The following BAZ1B variants were observed in gnomAD, a reference collection of about 807,000 sequenced individuals.
BAZ1B encodes bromodomain adjacent to zinc finger domain 1B, also known as tyrosine-protein kinase BAZ1B.
In BAZ1B, 22 loss-of-function variants were observed where a neutral mutation model predicts 153.8. That is an observed-to-expected ratio of 0.14 (90% CI 0.10 to 0.20). BAZ1B has a LOEUF of 0.20. Ranked by LOEUF, BAZ1B falls within the 10% of genes least tolerant of loss-of-function variation. The pLI, the probability that BAZ1B is intolerant of heterozygous loss-of-function variation, is 1.00. For synonymous variants in BAZ1B, 676 were observed against 633.4 expected (o/e 1.07, Z -1.01); for missense variants, 1,325 against 1,799.3 (o/e 0.74, Z 4.77).
chr7:73,469,737 T>A, intron 8 of BAZ1B, 87 bp from the exon 9 acceptor site: 1 of 1,481,978 alleles, frequency 6.7e-7, no homozygotes, highest in South Asian at 1.2e-5. Flanking sequence ...ATACAGAGTA[T>A]CACTGAGCAT....
intron 12 of BAZ1B, among the ~76,000 whole-genome samples, chr7:73,461,037 G>A (rs1044264523): frequency 2.6e-5 from 4 of 151,886 alleles, no homozygotes; most frequent in South Asian, 2.1e-4. Context: ...GTGCAATGGC[G>A]CGATCTCAGC....
rs1563388423 is a variant in BAZ1B, at chr7:73,489,323, T to C, written c.762A>G (p.Arg254=). 6.2e-7 allele frequency: 1 copy of C among 1,614,210 alleles called. No individual in the cohort carries two copies. Among genetic ancestry groups the C allele is most frequent in the Middle Eastern group, 1.6e-4 (1 of 6,062 alleles). Residue 254 remains arginine (R), a synonymous_variant, in exon 6 of 20, where the codon CGA becomes CGG. Coordinates refer to ENST00000339594, the MANE Select transcript of BAZ1B (RefSeq NM_032408.4). ...GTAATGCATTATGCCGTATAAAGTA[T>C]CGAACTATCTCCTTATTTGGTGGGC... is the stretch of plus-strand genomic sequence containing the variant. The part of the protein sequence containing the change: ...TERPPNKEIV[R]YFIRHNALRA...
intron 1 of BAZ1B, among the ~76,000 whole-genome samples, chr7:73,518,813 T>A (rs1790917787): frequency 6.6e-6 from 1 of 152,214 alleles, no homozygotes; most frequent in Non-Finnish European, 1.5e-5. Flanking sequence ...AATTCTCACA[T>A]AATGATGCTA....
intron 6 of BAZ1B, among the ~76,000 whole-genome samples, chr7:73,483,851 G>T (rs1426899315): frequency 6.6e-6 from 1 of 152,070 alleles, no homozygotes; most frequent in Non-Finnish European, 1.5e-5. Flanking sequence ...TGTTACCCAG[G>T]CTGGTCTCAA....
intron 13 of BAZ1B, among the ~76,000 whole-genome samples, chr7:73,453,371 C>G (rs576238108): frequency 6.6e-6 from 1 of 152,370 alleles, no homozygotes; most frequent in Non-Finnish European, 1.5e-5. Context: ...CAAGTCTCAT[C>G]TGACAAACTA....
chr7:73,496,627 G>C (rs1789910762), intron 4 of BAZ1B, among the ~76,000 whole-genome samples: 1 of 152,154 alleles, frequency 6.6e-6, no homozygotes, highest in African/African-American at 2.4e-5. Context: ...CTCAGAGGCT[G>C]AACGGTCTTC....
intron 10 of BAZ1B, 100 bp downstream of exon 10, chr7:73,466,196 G>T: frequency 1.2e-6 from 1 of 818,554 alleles, no homozygotes; most frequent in Admixed American, 2.5e-5. Flanking sequence ...AGTATCCTGC[G>T]CAAATAATTA....
At chr7:73,502,888 G>A (rs1247029414) in intron 3 of BAZ1B, among the ~76,000 whole-genome samples, 5 of 152,186 alleles carry the variant, frequency 3.3e-5, no homozygotes, top group Non-Finnish European at 7.3e-5. Flanking sequence ...TTCTGAGTTA[G>A]TTTTGCCTGC....
At chr7:73,520,156 C>A (rs1019424897) in intron 1 of BAZ1B, among the ~76,000 whole-genome samples, 1 of 151,220 alleles carries the variant, frequency 6.6e-6, no homozygotes, top group Non-Finnish European at 1.5e-5. Flanking sequence ...TGGCAGTGAG[C>A]CCAGATCGTG....
At chr7:73,473,800 C>T (rs1270563479) in intron 7 of BAZ1B, among the ~76,000 whole-genome samples, 1 of 152,006 alleles carries the variant, frequency 6.6e-6, no homozygotes, top group Non-Finnish European at 1.5e-5. Flanking sequence ...CCAGCCTCCA[C>T]AAATAATAAA....
At chr7:73,448,322 C>T (rs1554567104) in intron 15 of BAZ1B, among the ~76,000 whole-genome samples, 1 of 152,144 alleles carries the variant, frequency 6.6e-6, no homozygotes, top group Non-Finnish European at 1.5e-5. Flanking sequence ...AAGCCCAAGC[C>T]AGAGTACCTA....
At chr7:73,517,804 G>A (rs1278241891) in intron 1 of BAZ1B, among the ~76,000 whole-genome samples, 1 of 152,164 alleles carries the variant, frequency 6.6e-6, no homozygotes, top group Non-Finnish European at 1.5e-5. Flanking sequence ...TATCTACTTT[G>A]CCATCAGCTA....
chr7:73,482,790 C>T (rs12535543), intron 6 of BAZ1B, among the ~76,000 whole-genome samples: 1 of 152,124 alleles, frequency 6.6e-6, no homozygotes, highest in Non-Finnish European at 1.5e-5. Flanking sequence ...CCAAGCCACA[C>T]CATGTTTTTG....
intron 6 of BAZ1B, among the ~76,000 whole-genome samples, chr7:73,480,202 C>G (rs1157037185): frequency 6.6e-6 from 1 of 151,762 alleles, no homozygotes; most frequent in Non-Finnish European, 1.5e-5. Context: ...AAATTCATTG[C>G]CAGGCACCTC....
chr7:73,456,945 A>C (rs1788226782), intron 13 of BAZ1B, among the ~76,000 whole-genome samples: 3 of 69,844 alleles, frequency 4.3e-5, no homozygotes, highest in Non-Finnish European at 9.0e-5. Flanking sequence ...CTCAAAAAAA[A>C]AAAAAAAAAA....
chr7:73,488,726 AAAAAC>A (rs1789519271), intron 6 of BAZ1B, among the ~76,000 whole-genome samples: 6 of 151,780 alleles, frequency 4.0e-5, no homozygotes. Flanking sequence ...AAAAAAAAAA[AAAAAC>A]AAAAAAAACT....
At position 73,489,391 on chromosome 7, in the gene BAZ1B, T is replaced by C; in HGVS notation, c.694A>G (p.Ile232Val). 1 of 1,614,152 alleles carries C rather than the reference T, an allele frequency of 6.2e-7. No individual in the cohort carries two copies. Among genetic ancestry groups the C allele is most frequent in the Non-Finnish European group, 8.5e-7 (1 of 1,180,028 alleles). ...YDVKLQNEDKIISNVPADSLI... is the reference protein window; with the variant it reads ...YDVKLQNEDKVISNVPADSLI... Reference sequence around the variant, plus strand: ...CTGTCTGCTGGCACGTTACTGATGATCTAGGTTAAAAAGAAACAAATAACT... The same window carrying C: ...CTGTCTGCTGGCACGTTACTGATGACCTAGGTTAAAAAGAAACAAATAACT... Residue 232 changes from isoleucine (I) to valine (V), a missense_variant and splice_region_variant, in exon 6 of 20, where the codon ATC becomes GTC. Ile to Val is a conservative substitution (Grantham distance 29, BLOSUM62 3). Around this residue, in one of 9 missense-constraint regions of BAZ1B, gnomAD observed 153 missense variants for 204.8 expected, o/e 0.75. Coordinates refer to ENST00000339594, the MANE Select transcript of BAZ1B (RefSeq NM_032408.4).
intron 7 of BAZ1B, among the ~76,000 whole-genome samples, chr7:73,474,756 A>G (rs550693550): frequency 1.6e-4 from 24 of 152,214 alleles, no homozygotes; most frequent in Non-Finnish European, 2.9e-4. Flanking sequence ...CTGGGCACAA[A>G]AAAGAGCGCA....
At chr7:73,488,954 A>G (rs188931439) in intron 6 of BAZ1B, among the ~76,000 whole-genome samples, 2 of 152,316 alleles carry the variant, frequency 1.3e-5, no homozygotes, top group East Asian at 1.9e-4. Flanking sequence ...GCACATGTAT[A>G]TAGACTTTTA....
Sources: gnomAD v4.1 joint callset for allele counts (sites outside exome capture counted in the v4.1 genomes callset) on GRCh38, gnomAD v4.1.1 for gene constraint, gnomAD v4.1.1 regional missense constraint, MANE v1.5 for transcripts, NCBI Gene and HGNC (gene_info 2026-07-23, HGNC 2026-07-21) for gene names.